Variants in COLEC10 observed in about 807,000 individuals in gnomAD.
COLEC10 encodes the protein collectin-10.
COLEC10 carries 22 observed loss-of-function variants against 28.4 expected under a neutral mutation model. The ratio of observed to expected loss-of-function variants is 0.78; its 90% CI spans 0.55 to 1.11. COLEC10 has a LOEUF of 1.11. Among genes scored for constraint, COLEC10 ranks in the 50% least tolerant of loss-of-function variants. COLEC10 has a pLI of 0.00. For missense variants in COLEC10, 361 were observed against 344.1 expected (o/e 1.05, Z -0.39); for synonymous variants, 125 against 116.1 (o/e 1.08, Z -0.49).
intron 2 of COLEC10, among the ~76,000 whole-genome samples, chr8:119,024,754 C>G (rs1489874932): frequency 6.6e-6 from 1 of 151,868 alleles, no homozygotes; most frequent in African/African-American, 2.4e-5. Context: ...TTCACTTTTG[C>G]CAGAAACATG....
In COLEC10 at chr8:119,106,554, C is replaced by G. The variant is rs1815948316; in HGVS notation, c.*363C>G. 5.4e-6 allele frequency: 1 copy of G among 186,178 alleles called. No individual in the cohort carries two copies. Among genetic ancestry groups the G allele is most frequent in the South Asian group, 1.2e-4 (1 of 8,476 alleles). The allele number at this position is 186,178 out of a possible 1,614,324, so 11.5% of individuals were successfully genotyped here. ...TCCCAGTGGATAATTTCCCAGTTTA[C>G]TGGTGATGATTAGGAAGGTTGTTGA... On this transcript the variant is annotated 3_prime_UTR_variant, in exon 6 of 6. Transcript: ENST00000332843.
At chr8:119,039,493 T>C (rs553506235) in intron 2 of COLEC10, among the ~76,000 whole-genome samples, 1 of 152,326 alleles carries the variant, frequency 6.6e-6, no homozygotes, top group South Asian at 2.1e-4. Flanking sequence ...AGTGCGTGGC[T>C]CATAGAAGAT....
chr8:119,083,931 A>G (rs2130262566), intron 1 of COLEC10, among the ~76,000 whole-genome samples: 1 of 152,296 alleles, frequency 6.6e-6, no homozygotes, highest in Non-Finnish European at 1.5e-5. Context: ...CTGAGCTTTC[A>G]GAGCAACGTT....
At chr8:118,984,579 G>A in the COLEC10 span, among the ~76,000 whole-genome samples, 1 of 152,078 alleles carries the variant, frequency 6.6e-6, no homozygotes, top group Non-Finnish European at 1.5e-5. Context: ...CCTGTGGCTC[G>A]TGTTTTGATA....
At chr8:118,981,644 T>C in the COLEC10 span, among the ~76,000 whole-genome samples, 3 of 152,160 alleles carry the variant, frequency 2.0e-5, no homozygotes, top group African/African-American at 7.2e-5. Flanking sequence ...AGTCATTGAA[T>C]TGTTTTCCCT....
At chr8:118,953,402 A>G in the COLEC10 span, among the ~76,000 whole-genome samples, 1 of 152,218 alleles carries the variant, frequency 6.6e-6, no homozygotes. Context: ...GTGAAACACA[A>G]TATAAATAGC....
Position 119,108,341 on chromosome 8 carries a change from T to C in COLEC10, c.*2150T>C, listed in dbSNP as rs1432398260. On this transcript the variant is annotated 3_prime_UTR_variant, in exon 6 of 6. Coordinates refer to ENST00000332843, the MANE Select transcript of COLEC10 (RefSeq NM_006438.5). The stretch of plus-strand genomic sequence containing the variant: ...AATGTTGCCTACGGGCAACTTCATG[T>C]TAAGGATCCATGTTCTGATTTGTTC... Among the ~76,000 whole-genome samples the C allele has an allele frequency of 6.6e-6, 1 of 152,224 alleles. No homozygotes were observed. The highest frequency in any genetic ancestry group is 1.9e-4 in the East Asian group (1 of 5,194).
intron 1 of COLEC10, among the ~76,000 whole-genome samples, chr8:119,000,977 G>T (rs1302815804): frequency 6.6e-6 from 1 of 152,096 alleles, no homozygotes. Flanking sequence ...TAGGAGAAAA[G>T]GTATTAACAA....
chr8:119,105,850 G>C lies in COLEC10; in HGVS notation c.493G>C (p.Glu165Gln). The change falls in exon 6 of 6, where the codon GAA becomes CAA. Residue 165 changes from glutamate to glutamine, a missense_variant. Around this residue, in one of 3 missense-constraint regions of COLEC10, gnomAD observed 335 missense variants for 308.5 expected, o/e 1.09. Coordinates refer to ENST00000332843, the MANE Select transcript of COLEC10 (RefSeq NM_006438.5). ...AGAGAAATTCTACTACATCGTGCAG[G>C]AAGAGAAGAACTACAGGGAATCCCT... ...TEEKFYYIVQ[E>Q]EKNYRESLTH... 1 of 1,613,654 alleles carries C rather than the reference G, an allele frequency of 6.2e-7. No individual in the cohort carries two copies. The highest frequency in any genetic ancestry group is 8.5e-7 in the Non-Finnish European group (1 of 1,179,794).
chr8:119,035,547 A>T (rs564076721), intron 2 of COLEC10, among the ~76,000 whole-genome samples: 1 of 101,834 alleles, frequency 9.8e-6, no homozygotes, highest in African/African-American at 5.0e-5. Context: ...GAGACCTTTG[A>T]TGTCCACAGA....
At chr8:119,093,565 A>G (rs994138764) in intron 3 of COLEC10, among the ~76,000 whole-genome samples, 3 of 152,238 alleles carry the variant, frequency 2.0e-5, no homozygotes, top group African/African-American at 7.2e-5. Context: ...GATAAAAGCC[A>G]CAGCAATGGG....
intron 1 of COLEC10, among the ~76,000 whole-genome samples, chr8:119,002,151 G>A (rs561823583): frequency 6.6e-6 from 1 of 152,204 alleles, no homozygotes; most frequent in African/African-American, 2.4e-5. Context: ...AATTGTATAT[G>A]TGTGTATATA....
chr8:119,046,420 T>A (rs536946240), intron 2 of COLEC10, among the ~76,000 whole-genome samples: 437 of 152,344 alleles, frequency 2.9e-3, no homozygotes, highest in Non-Finnish European at 5.0e-3. Flanking sequence ...TTGGTGGCTC[T>A]ATACAGATTA....
the COLEC10 span, among the ~76,000 whole-genome samples, chr8:118,967,710 A>G: frequency 1.3e-5 from 2 of 152,120 alleles, no homozygotes; most frequent in African/African-American, 4.8e-5. Flanking sequence ...AATTGTAAAC[A>G]AAGAAATTTT....
At chr8:119,104,367 G>T (rs1393885874) in intron 5 of COLEC10, among the ~76,000 whole-genome samples, 3 of 152,080 alleles carry the variant, frequency 2.0e-5, no homozygotes, top group Non-Finnish European at 4.4e-5. Flanking sequence ...GAAGTACCTT[G>T]CCCATAGATA....
At chr8:119,102,235 CCTCCCT>C in intron 3 of COLEC10, 107 bp from the exon 4 acceptor site, 3 of 329,294 alleles carry the variant, frequency 9.1e-6, no homozygotes, top group South Asian at 3.0e-5. Context: ...TCCCTCCCTC[CCTCCCT>C]CCTTCCTTCT....
chr8:118,980,816 G>T, the COLEC10 span, among the ~76,000 whole-genome samples: 1 of 152,102 alleles, frequency 6.6e-6, no homozygotes, highest in South Asian at 2.1e-4. Flanking sequence ...TGTGAAAAAA[G>T]ATGGTCTTCC....
chr8:118,976,935 C>T, the COLEC10 span, among the ~76,000 whole-genome samples: 49 of 150,382 alleles, frequency 3.3e-4, no homozygotes, highest in Non-Finnish European at 6.1e-4. Context: ...AAAAAGTGGG[C>T]GAAGGACATG....
At chr8:118,970,782 T>C in the COLEC10 span, among the ~76,000 whole-genome samples, 1 of 151,984 alleles carries the variant, frequency 6.6e-6, no homozygotes, top group Non-Finnish European at 1.5e-5. Flanking sequence ...GTAAGTACTA[T>C]AATTATGTCC....
Sources: allele counts gnomAD v4.1 joint callset (sites outside exome capture counted in the v4.1 genomes callset), GRCh38; gene constraint gnomAD v4.1.1; regional missense constraint gnomAD v4.1.1; transcripts MANE v1.5; gene names NCBI Gene and HGNC (gene_info 2026-07-23, HGNC 2026-07-21).